SETD1B: variants seen among roughly 807,000 people sequenced by gnomAD.
SETD1B encodes the protein histone-lysine N-methyltransferase SETD1B.
A neutral mutation model predicts 148.0 loss-of-function variants in SETD1B; 7 were observed. The observed-to-expected ratio is 0.05, with a 90% CI of 0.03 to 0.09. SETD1B has a LOEUF of 0.09. SETD1B is among the 10% of genes least tolerant of loss of function. SETD1B has a pLI of 1.00. For missense variants in SETD1B, 2,155 were observed against 2,729.9 expected, an observed-to-expected ratio of 0.79 and a Z score of 4.69; for synonymous variants, 1,361 against 1,186.5, an observed-to-expected ratio of 1.15 and a Z score of -3.02.
intron 12 of SETD1B, among the ~76,000 whole-genome samples, chr12:121,824,484 T>C (rs1172025342): frequency 6.6e-6 from 1 of 151,506 alleles, no homozygotes; most frequent in East Asian, 1.9e-4. Flanking sequence ...CCATTTCTAC[T>C]AAAAATACAA....
At position 121,805,253 on chromosome 12, in the gene SETD1B, C is replaced by A. The variant is rs1461544072; in HGVS notation, c.273+37C>A. On this transcript the variant is annotated intron_variant, in intron 3 of 16. Coordinates refer to ENST00000604567, the MANE Select transcript of SETD1B (RefSeq NM_001353345.2). The surrounding 1 kb of genome is among the most constrained non-coding windows in gnomAD (Gnocchi z 4.2). ...CCCCACTGCCCCGCCGTCCCTCCCC[C>A]ACCTCCCCGAGTTCGAAAATAACGC... 1.4e-6 allele frequency: 2 copies of A among 1,476,838 alleles called. No individual in the cohort carries two copies. Among genetic ancestry groups the A allele is most frequent in the Non-Finnish European group, 1.8e-6 (2 of 1,081,952 alleles). 91.5% of individuals were successfully genotyped at this position (1,476,838 alleles called of 1,614,324 possible).
In SETD1B at chr12:121,805,165, C is replaced by T. The variant is rs898624591; in HGVS notation, c.222C>T (p.Val74=). The part of the protein sequence containing the change: ...PVEIVEDPRV[V]GIWTKNKELE... The stretch of plus-strand genomic sequence containing the variant: ...AAATTGTCGAAGATCCCCGGGTCGT[C>T]GGGATCTGGACCAAAAACAAGGAGC... Residue 74 remains valine, a synonymous_variant, in exon 3 of 17, where the codon GTC becomes GTT. Coordinates refer to ENST00000604567, the MANE Select transcript of SETD1B (RefSeq NM_001353345.2). This position sits in a 1 kb window ranked among gnomAD's most constrained non-coding sequence, Gnocchi z 4.2. 5 of 1,551,470 alleles carry T rather than the reference C, an allele frequency of 3.2e-6. No individual in the cohort carries two copies. Among genetic ancestry groups the T allele is most frequent in the African/African-American group, 1.4e-5 (1 of 73,046 alleles).
At position 121,819,608 on chromosome 12, in the gene SETD1B, A is replaced by G. The variant is rs1876470036; in HGVS notation, c.3623A>G (p.Asp1208Gly). 1.3e-6 allele frequency: 2 copies of G among 1,551,888 alleles called. No individual in the cohort carries two copies. Among genetic ancestry groups the G allele is most frequent in the South Asian group, 2.4e-5 (2 of 84,052 alleles). ...AGCATGGCTTCTGCAGGCCCTGAGG[A>G]CTTTGAGCAGGACGGGGAGGAAGCG... ...EESMASAGPE[D>G]FEQDGEEAAL... The change falls in exon 11 of 17, where the codon GAC becomes GGC. Residue 1208 changes from aspartate to glycine, a missense_variant. Coordinates refer to ENST00000604567, the MANE Select transcript of SETD1B (RefSeq NM_001353345.2).
intron 4 of SETD1B, among the ~76,000 whole-genome samples, chr12:121,807,969 A>T (rs1352771107): frequency 6.6e-6 from 1 of 152,040 alleles, no homozygotes; most frequent in Non-Finnish European, 1.5e-5. Context: ...TCTCAGCCCC[A>T]GGAGACATGA....
chr12:121,791,165 A>G, the SETD1B span, among the ~76,000 whole-genome samples: 148,149 of 152,078 alleles, frequency 0.97, 72,274 homozygotes, highest in Middle Eastern at 1. Flanking sequence ...TCGCCCTGTC[A>G]CCCAGGCTGG....
Position 121,831,729 on chromosome 12 carries a change from C to T in SETD1B, c.*1490C>T, listed in dbSNP as rs1877104474. On this transcript the variant is annotated 3_prime_UTR_variant, in exon 17 of 17. Coordinates refer to ENST00000604567, the MANE Select transcript of SETD1B (RefSeq NM_001353345.2). Reference sequence around the variant, plus strand: ...GACTGTTGTGACCCGGAGTCCTCATCAAGATGAGCGCGCTCCATGAGGGAG... The same window carrying T: ...GACTGTTGTGACCCGGAGTCCTCATTAAGATGAGCGCGCTCCATGAGGGAG... 1 of 152,220 alleles carries T rather than the reference C, an allele frequency of 6.6e-6. No individual in the cohort carries two copies. The highest frequency in any genetic ancestry group is 6.5e-5 in the Admixed American group (1 of 15,290). The allele number at this position is 152,220 out of a possible 1,614,324, so 9.4% of individuals were successfully genotyped here. A position where few individuals can be genotyped will look rare whatever the true frequency, so the allele number is the denominator to read the frequency against.
At chr12:121,798,487 GGGA>G in the SETD1B span, among the ~76,000 whole-genome samples, 1 of 152,164 alleles carries the variant, frequency 6.6e-6, no homozygotes, top group Non-Finnish European at 1.5e-5. Flanking sequence ...CTAAAAGCTT[GGGA>G]GGAGGGCCTC....
Position 121,805,381 on chromosome 12 carries a change from A to G in SETD1B, c.273+165A>G, listed in dbSNP as rs1875681823. ...CGCTGGCGAGAGGGTGTCCCCTCTC[A>G]GCTACTGAAAACAAAATAACACTGG... On this transcript the variant is annotated intron_variant, in intron 3 of 16. Transcript: ENST00000604567. The surrounding 1 kb of genome is among the most constrained non-coding windows in gnomAD (Gnocchi z 4.2). Among the ~76,000 whole-genome samples the G allele has an allele frequency of 6.6e-6, 1 of 152,080 alleles. No individual in the cohort carries two copies. Among genetic ancestry groups the G allele is most frequent in the African/African-American group, 2.4e-5 (1 of 41,416 alleles).
chr12:121,810,583 T>G lies in SETD1B; in HGVS notation c.1638T>G (p.Phe546Leu), dbSNP rs1875982658. Residue 546 changes from phenylalanine to leucine, a missense_variant, in exon 6 of 17, where the codon TTT becomes TTG. Phe to Leu is a conservative substitution (Grantham distance 22, BLOSUM62 0). Coordinates refer to ENST00000604567, the MANE Select transcript of SETD1B (RefSeq NM_001353345.2). The surrounding 1 kb of genome is among the most constrained non-coding windows in gnomAD (Gnocchi z 7.6). ...SSSQLSPLAPFGTNSQPGFRG... is the reference protein window; with the variant it reads ...SSSQLSPLAPLGTNSQPGFRG... ...CCCAGCTCTCCCCACTGGCCCCCTT[T>G]GGCACCAACTCCCAGCCAGGCTTCC... 3.2e-6 allele frequency: 5 copies of G among 1,548,150 alleles called. No individual in the cohort carries two copies. Among genetic ancestry groups the G allele is most frequent in the Non-Finnish European group, 4.4e-6 (5 of 1,146,842 alleles).
At position 121,814,975 on chromosome 12, in the gene SETD1B, G is replaced by C. The variant is rs1216464140; in HGVS notation, c.2715+45G>C. 2.0e-6 allele frequency: 3 copies of C among 1,480,248 alleles called. No homozygotes were observed. The East Asian group carries it at 7.5e-5, about 37-fold the overall frequency. 91.7% of individuals were successfully genotyped at this position (1,480,248 alleles called of 1,614,324 possible). A position where few individuals can be genotyped will look rare whatever the true frequency, so the allele number is the denominator to read the frequency against. ...GCTCTGCAGGGTGGCTGTGGAGGGGGGCAGGTCCCCAGCCGGGCACCTCCT... is the reference window on the plus strand; with the variant it reads ...GCTCTGCAGGGTGGCTGTGGAGGGGCGCAGGTCCCCAGCCGGGCACCTCCT... On this transcript the variant is annotated intron_variant, in intron 7 of 16. Transcript: ENST00000604567.
At position 121,814,848 on chromosome 12, in the gene SETD1B, G is replaced by A. The variant is rs1876215328; in HGVS notation, c.2633G>A (p.Arg878His). The A allele has an allele frequency of 1.3e-6, 2 of 1,551,666 alleles. No homozygotes were observed. The highest frequency in any genetic ancestry group is 1.7e-6 in the Non-Finnish European group (2 of 1,146,990). The change falls in exon 7 of 17, where the codon CGT (arginine) becomes CAT (histidine). Residue 878 changes from arginine (R) to histidine (H), a missense_variant. Transcript: ENST00000604567. ...VLKELKAIMK[R>H]DLNRKMVEVV... ...AAAGAACTCAAGGCCATCATGAAGC[G>A]TGACCTGAACCGCAAGATGGTGGAA...
At chr12:121,813,970 G>A in intron 6 of SETD1B, 136 bp from the exon 7 acceptor site, 1 of 661,496 alleles carries the variant, frequency 1.5e-6, no homozygotes, top group Non-Finnish European at 2.5e-6. Flanking sequence ...AAGACGCTGA[G>A]GCTTGGAGAG....
chr12:121,827,675 G>A lies in SETD1B; in HGVS notation c.5469+25G>A, dbSNP rs776681968. 2.8e-5 allele frequency: 43 copies of A among 1,551,380 alleles called. No individual in the cohort carries two copies. The East Asian group carries it at 5.6e-4, about 20-fold the overall frequency. On this transcript the variant is annotated intron_variant, in intron 14 of 16. Coordinates refer to ENST00000604567, the MANE Select transcript of SETD1B (RefSeq NM_001353345.2). ...GGTGAGGCCGGGCTTCACCCAGATC[G>A]CCGGGGTGGCGGCAGGACCTGAGAC...
Position 121,805,088 on chromosome 12 carries a change from T to C in SETD1B, c.175-30T>C. On this transcript the variant is annotated intron_variant, in intron 2 of 16. Transcript: ENST00000604567. This position sits in a 1 kb window ranked among gnomAD's most constrained non-coding sequence, Gnocchi z 4.2. Reference sequence around the variant, plus strand: ...CCCATGGGGAGGGGGACCAGTTCTCTCATCCCGGCCCCCCAATTTCTCCCC... The same window carrying C: ...CCCATGGGGAGGGGGACCAGTTCTCCCATCCCGGCCCCCCAATTTCTCCCC... 6.5e-7 allele frequency: 1 copy of C among 1,538,848 alleles called. No individual in the cohort carries two copies. The highest frequency in any genetic ancestry group is 8.8e-7 in the Non-Finnish European group (1 of 1,135,428).
At chr12:121,829,722 A>G (rs1786803942) in intron 16 of SETD1B, among the ~76,000 whole-genome samples, 1 of 152,164 alleles carries the variant, frequency 6.6e-6, no homozygotes, top group Admixed American at 6.5e-5. Context: ...TGCCAGTAAA[A>G]CTTTATTTAC....
chr12:121,822,278 G>A (rs1876596582), intron 11 of SETD1B, among the ~76,000 whole-genome samples: 1 of 152,168 alleles, frequency 6.6e-6, no homozygotes, highest in South Asian at 2.1e-4. Flanking sequence ...TCCTGCATCT[G>A]TGATTTAGCC....
rs1361454912 is a variant in SETD1B at position 121,805,830 on chromosome 12, G to A, written c.274-5G>A. 6.4e-7 allele frequency: 1 copy of A among 1,550,744 alleles called. No individual in the cohort carries two copies. Among genetic ancestry groups the A allele is most frequent in the African/African-American group, 1.4e-5 (1 of 72,930 alleles). Reference sequence around the variant, plus strand: ...CAAACTCCCTTCCCCCTCGGCCCCTGCCAGATCGATGAGTTCTACGTGGGC... The same window carrying A: ...CAAACTCCCTTCCCCCTCGGCCCCTACCAGATCGATGAGTTCTACGTGGGC... On this transcript the variant is annotated splice_polypyrimidine_tract_variant and splice_region_variant and intron_variant, in intron 3 of 16. Transcript: ENST00000604567. The surrounding 1 kb of genome is among the most constrained non-coding windows in gnomAD (Gnocchi z 4.2).
chr12:121,815,843 T>C (rs1194204293), intron 7 of SETD1B, among the ~76,000 whole-genome samples: 8 of 148,942 alleles, frequency 5.4e-5, no homozygotes, highest in Admixed American at 1.3e-4. Context: ...TTTTTTTTTT[T>C]CGGAGATGGA....
intron 4 of SETD1B, among the ~76,000 whole-genome samples, chr12:121,807,000 G>T (rs1875776507): frequency 6.6e-6 from 1 of 152,222 alleles, no homozygotes; most frequent in Non-Finnish European, 1.5e-5. Flanking sequence ...GCCCACCGGG[G>T]TCCCCTGGGA....
Sources: gnomAD v4.1 joint callset for allele counts (sites outside exome capture counted in the v4.1 genomes callset) on GRCh38, gnomAD v4.1.1 for gene constraint, Gnocchi (gnomAD v3.1) non-coding constraint, MANE v1.5 for transcripts, NCBI Gene and HGNC (gene_info 2026-07-23, HGNC 2026-07-21) for gene names.